Variants in GOLGA8B observed in about 807,000 individuals in gnomAD.
GOLGA8B encodes the protein golgin subfamily A member 8B.
Under a neutral mutation model 15.6 loss-of-function variants are expected in GOLGA8B, and 1 was observed. The ratio of observed to expected loss-of-function variants is 0.06; its 90% CI spans 0.02 to 0.30. The LOEUF is 0.30. Ranked by LOEUF, GOLGA8B falls within the 10% of genes least tolerant of loss-of-function variation. The pLI is 1.00. For synonymous variants in GOLGA8B, 9 were observed against 80.3 expected, an observed-to-expected ratio of 0.11 and a Z score of 4.75; for missense variants, 17 against 201.3, an observed-to-expected ratio of 0.08 and a Z score of 5.54.
At chr15:34,572,603 T>C (rs1888952347) in intron 1 of GOLGA8B, among the ~76,000 whole-genome samples, 1 of 152,212 alleles carries the variant, frequency 6.6e-6, no homozygotes, top group African/African-American at 2.4e-5. Flanking sequence ...GTAAAATATG[T>C]TCACAGACAG....
intron 1 of GOLGA8B, among the ~76,000 whole-genome samples, chr15:34,565,311 T>G (rs1888730931): frequency 7.4e-6 from 1 of 135,872 alleles, no homozygotes; most frequent in Admixed American, 7.3e-5. Context: ...AATTTTTGTA[T>G]TTTTGTAGAG....
chr15:34,564,039 A>G lies in GOLGA8B; in HGVS notation c.-1122-10083T>C, dbSNP rs1888690519. Reference sequence around the variant, plus strand: ...GCTCTAGTTAACACAGTAATTTTCAACTGAAGGAGATTTTTGCCCCCCATG... The same window carrying G: ...GCTCTAGTTAACACAGTAATTTTCAGCTGAAGGAGATTTTTGCCCCCCATG... On this transcript the variant is annotated intron_variant, in intron 1 of 23. Transcript: ENST00000683415. Among the ~76,000 whole-genome samples the G allele has an allele frequency of 4.4e-5, 6 of 135,190 alleles. No homozygotes were observed. The South Asian group carries it at 1.4e-3, about 31-fold the overall frequency. The allele number at this position is 135,190 out of a possible 152,430, so 88.7% of individuals were successfully genotyped here.
rs540044161 is a variant in GOLGA8B at position 34,561,031 on chromosome 15, C to T, written c.-1122-7075G>A. Among the ~76,000 whole-genome samples, 5 of 146,630 alleles carry T rather than the reference C, an allele frequency of 3.4e-5. 1 individual carries two copies. Among genetic ancestry groups the T allele is most frequent in the African/African-American group, 1.0e-4 (4 of 39,844 alleles). Reference sequence around the variant, plus strand: ...GCGGAGCTTCCACCTTCCCCACAAACGGACCCAGAGTGGCACCTGGTATGT... The same window carrying T: ...GCGGAGCTTCCACCTTCCCCACAAATGGACCCAGAGTGGCACCTGGTATGT... On this transcript the variant is annotated intron_variant, in intron 1 of 23. Transcript: ENST00000683415.
chr15:34,564,374 A>AAAAC (rs1888702012), intron 1 of GOLGA8B, among the ~76,000 whole-genome samples: 1 of 151,442 alleles, frequency 6.6e-6, no homozygotes, highest in Non-Finnish European at 1.5e-5. Flanking sequence ...AAAAAAAAAA[A>AAAAC]AAAAGGATTG....
rs1351063374 is a variant in GOLGA8B, at chr15:34,571,758, G to T, written c.-1123+11758C>A. 1.6e-3 allele frequency among the ~76,000 whole-genome samples: 249 copies of T among 152,018 alleles called. 3 individuals carry two copies. Among genetic ancestry groups the T allele is most frequent in the South Asian group, 0.015 (73 of 4,824 alleles). ...GGGTGGTTATACACATTAGGGTACA[G>T]AAACCCATTCTCTAAGTAAGATACA... On this transcript the variant is annotated intron_variant, in intron 1 of 23. Coordinates refer to ENST00000683415, the MANE Select transcript of GOLGA8B (RefSeq NM_001023567.5).
At chr15:34,582,138 G>A (rs896837944) in intron 1 of GOLGA8B, among the ~76,000 whole-genome samples, 22 of 152,210 alleles carry the variant, frequency 1.4e-4, no homozygotes, top group African/African-American at 4.8e-4. Flanking sequence ...CAGAGTGCAG[G>A]GCATCCTGGA....
intron 1 of GOLGA8B, among the ~76,000 whole-genome samples, chr15:34,564,164 G>A (rs552370174): frequency 2.8e-4 from 40 of 145,084 alleles, no homozygotes; most frequent in African/African-American, 7.8e-4. Flanking sequence ...GTTACTAAAC[G>A]TCCTACAACA....
At chr15:34,574,336 C>T (rs1595711107) in intron 1 of GOLGA8B, among the ~76,000 whole-genome samples, 1 of 150,914 alleles carries the variant, frequency 6.6e-6, no homozygotes. Context: ...GAGAAGTTCT[C>T]GCTCTGTCAC....
At chr15:34,568,962 C>T (rs1163714381) in intron 1 of GOLGA8B, among the ~76,000 whole-genome samples, 1 of 139,776 alleles carries the variant, frequency 7.2e-6, no homozygotes, top group Non-Finnish European at 1.6e-5. Flanking sequence ...CTCGCTCTCG[C>T]TCTCTCTCTC....
chr15:34,527,759 T>C lies in GOLGA8B; in HGVS notation c.1685A>G (p.Asn562Ser), dbSNP rs748338639. ...GEAREGSSQD[N>S]PTAQPVLQLL... ...CTGCAGGACTGGCTGTGCAGTAGGG[T>C]TGTCCTGGGAAGAACCCTCCCTGGC... Residue 562 changes from asparagine to serine, a missense_variant, in exon 24 of 24, where the codon AAC (asparagine) becomes AGC (serine). This residue lies in a region of GOLGA8B where 9 missense variants were observed against 17.4 expected (regional missense o/e 0.52). Transcript: ENST00000683415. The C allele has an allele frequency of 1.3e-5, 17 of 1,309,132 alleles. 2 individuals are homozygous for C. The highest frequency in any genetic ancestry group is 2.6e-5 in the South Asian group (2 of 78,396). The allele number at this position is 1,309,132 out of a possible 1,614,324, so 81.1% of individuals were successfully genotyped here.
At chr15:34,564,890 G>C (rs1888719075) in intron 1 of GOLGA8B, among the ~76,000 whole-genome samples, 1 of 144,092 alleles carries the variant, frequency 6.9e-6, no homozygotes, top group African/African-American at 2.5e-5. Context: ...CCAAGACAGG[G>C]CTTGGCACAA....
chr15:34,574,975 G>A (rs1889027389), intron 1 of GOLGA8B: 4 of 152,148 alleles, frequency 2.6e-5, no homozygotes, highest in African/African-American at 9.7e-5. Flanking sequence ...GTGGACAGGA[G>A]GCACCTGAAT....
At chr15:34,574,382 C>T (rs149415701) in intron 1 of GOLGA8B, among the ~76,000 whole-genome samples, 264 of 151,866 alleles carry the variant, frequency 1.7e-3, no homozygotes, top group African/African-American at 5.0e-3. Context: ...CAACTCACTG[C>T]AGCCTCAACC....
At chr15:34,579,045 C>T (rs896313120) in intron 1 of GOLGA8B, among the ~76,000 whole-genome samples, 2 of 152,042 alleles carry the variant, frequency 1.3e-5, no homozygotes, top group South Asian at 2.1e-4. Context: ...AGTTCAATAT[C>T]GCATCTCGTC....
At chr15:34,554,131 T>C (rs1595702108) in intron 1 of GOLGA8B, among the ~76,000 whole-genome samples, 175 bp from the exon 2 acceptor site, 1 of 137,930 alleles carries the variant, frequency 7.3e-6, no homozygotes. Flanking sequence ...TAATCAGAAG[T>C]GGAACAGTTT....
chr15:34,578,144 C>T (rs947818762), intron 1 of GOLGA8B, among the ~76,000 whole-genome samples: 1 of 152,174 alleles, frequency 6.6e-6, no homozygotes, highest in Non-Finnish European at 1.5e-5. Flanking sequence ...CTGTCTTTGC[C>T]TGAGAGTTTC....
intron 1 of GOLGA8B, among the ~76,000 whole-genome samples, chr15:34,559,045 C>A (rs1384211927): frequency 1.0e-5 from 1 of 95,744 alleles, no homozygotes. Flanking sequence ...GAACACGGTA[C>A]AAAATAAAAG....
intron 1 of GOLGA8B, among the ~76,000 whole-genome samples, chr15:34,580,599 C>G (rs1306763941): frequency 6.6e-6 from 1 of 152,090 alleles, no homozygotes; most frequent in Non-Finnish European, 1.5e-5. Context: ...CGAGAAGCGA[C>G]AGTGCCCATG....
At chr15:34,578,809 C>A (rs1379779360) in intron 1 of GOLGA8B, among the ~76,000 whole-genome samples, 2 of 152,128 alleles carry the variant, frequency 1.3e-5, no homozygotes, top group Non-Finnish European at 2.9e-5. Context: ...TCACTCAACG[C>A]AGGTATCTCA....
Sources: allele counts gnomAD v4.1 joint callset (sites outside exome capture counted in the v4.1 genomes callset), GRCh38; gene constraint gnomAD v4.1.1; regional missense constraint gnomAD v4.1.1; transcripts MANE v1.5; gene names NCBI Gene and HGNC (gene_info 2026-07-23, HGNC 2026-07-21).